Variants in HMGXB4 observed in about 807,000 individuals in gnomAD.
HMGXB4 encodes the protein HMG-box containing 4.
In HMGXB4, 27 loss-of-function variants were observed where a neutral mutation model predicts 63.9. That is an observed-to-expected ratio of 0.42 (90% CI 0.31 to 0.58). HMGXB4 has a LOEUF of 0.58. HMGXB4 is among the 20% of genes least tolerant of loss of function. The probability of loss-of-function intolerance (pLI) is 0.13; values close to 1 mark genes in which losing one functional copy is unlikely to be tolerated. For synonymous variants in HMGXB4, 264 were observed against 265.3 expected (o/e 0.99, Z 0.05); for missense variants, 624 against 700.7 (o/e 0.89, Z 1.24).
chr22:35,247,089 T>A, the HMGXB4 span, among the ~76,000 whole-genome samples: 6 of 152,262 alleles, frequency 3.9e-5, no homozygotes, highest in African/African-American at 1.4e-4. Flanking sequence ...TTTTTTTCCA[T>A]GCCTGGTGAT....
upstream of HMGXB4, among the ~76,000 whole-genome samples, chr22:35,253,132 C>CAAAAAAAAAAAAAAA (rs554912249): frequency 2.1e-5 from 2 of 96,562 alleles, no homozygotes; most frequent in African/African-American, 5.2e-5. Flanking sequence ...AACTCCATCT[C>CAAAAAAAAAAAAAAA]AAAAAAAAAA....
At chr22:35,253,950 CTT>C (rs1555886316), upstream of HMGXB4, among the ~76,000 whole-genome samples, 4 of 152,192 alleles carry the variant, frequency 2.6e-5, no homozygotes, top group Non-Finnish European at 1.5e-5. Flanking sequence ...CTGCCTGTCT[CTT>C]AAGGTAGTTT....
At chr22:35,252,541 C>G (rs1922234282), upstream of HMGXB4, among the ~76,000 whole-genome samples, 1 of 152,206 alleles carries the variant, frequency 6.6e-6, no homozygotes, top group Non-Finnish European at 1.5e-5. Flanking sequence ...CAGGATTTCC[C>G]TCTTTTTAAG....
chr22:35,254,348 G>A (rs746519970), upstream of HMGXB4, among the ~76,000 whole-genome samples: 87 of 152,198 alleles, frequency 5.7e-4, no homozygotes, highest in Non-Finnish European at 1.0e-3. Flanking sequence ...AAATGCAAGA[G>A]AACTATGAAA....
Position 35,283,963 on chromosome 22 carries a change from C to T in HMGXB4, c.1217C>T (p.Pro406Leu). The T allele has an allele frequency of 6.2e-7, 1 of 1,612,644 alleles. No individual in the cohort carries two copies. The highest frequency in any genetic ancestry group is 8.5e-7 in the Non-Finnish European group (1 of 1,178,784). ...GTTGTATCTTCTATGCGGCATTAGC[C>T]AAAAAAGAAGAACATGTCGGCCTAC... ...KDKERERGEK[P>L]KKKNMSAYQV... is the part of the protein sequence containing the mutation. The change falls in exon 6 of 11, where the codon CCA becomes CTA. Residue 406 changes from proline to leucine, a missense_variant and splice_region_variant. Transcript: ENST00000216106.
intron 5 of HMGXB4, among the ~76,000 whole-genome samples, chr22:35,282,200 G>A (rs999233751): frequency 1.3e-5 from 2 of 152,040 alleles, no homozygotes; most frequent in African/African-American, 4.8e-5. Flanking sequence ...TTGTTGAAAC[G>A]GAGTCTCGCT....
chr22:35,246,236 C>T, the HMGXB4 span, among the ~76,000 whole-genome samples: 62 of 151,914 alleles, frequency 4.1e-4, no homozygotes, highest in Non-Finnish European at 7.6e-4. Flanking sequence ...ATGGGTCCAC[C>T]GCCTATTCTG....
At chr22:35,258,839 A>G (rs1042340665) in intron 1 of HMGXB4, among the ~76,000 whole-genome samples, 5 of 152,242 alleles carry the variant, frequency 3.3e-5, no homozygotes, top group Non-Finnish European at 5.9e-5. Flanking sequence ...CATGGCTCTC[A>G]TCCTGGAACA....
intron 6 of HMGXB4, among the ~76,000 whole-genome samples, chr22:35,284,789 A>T (rs1368790953): frequency 6.6e-6 from 1 of 152,226 alleles, no homozygotes; most frequent in Non-Finnish European, 1.5e-5. Context: ...TTAATGAGGT[A>T]AGAAAAACAC....
chr22:35,255,977 T>G (rs1267654118), upstream of HMGXB4, among the ~76,000 whole-genome samples: 1 of 152,266 alleles, frequency 6.6e-6, no homozygotes. Flanking sequence ...TTTTATTAAG[T>G]ATTTGCAGTT....
intron 1 of HMGXB4, among the ~76,000 whole-genome samples, chr22:35,259,599 G>A (rs1343576252): frequency 6.6e-6 from 1 of 152,176 alleles, no homozygotes; most frequent in East Asian, 1.9e-4. Context: ...ACTGTTGCTT[G>A]AGATTTATCT....
At chr22:35,280,301 C>G (rs1480312701) in intron 5 of HMGXB4, among the ~76,000 whole-genome samples, 1 of 152,192 alleles carries the variant, frequency 6.6e-6, no homozygotes, top group African/African-American at 2.4e-5. Flanking sequence ...TAATTCCCAC[C>G]TTTGAGTTAA....
Position 35,265,079 on chromosome 22 carries a change from G to T in HMGXB4, c.691G>T (p.Glu231Ter). The change falls in exon 5 of 11, where the codon GAG (glutamate) becomes TAG (stop). Residue 231 changes from glutamate to a stop codon, truncating the protein, a stop_gained. Transcript: ENST00000216106. LOFTEE classifies it high-confidence loss of function. ...ATCCTCAAAGAAATCAGCTCGGGAT[G>T]AGCAGGGTGCTTTACTCCTAGGACA... ...KKSSKKSARD[E>*]QGALLLGHEL... is the part of the protein sequence containing the mutation. 6.2e-7 allele frequency: 1 copy of T among 1,614,152 alleles called. No homozygotes were observed. The highest frequency in any genetic ancestry group is 8.5e-7 in the Non-Finnish European group (1 of 1,180,022).
chr22:35,265,789 CTT>C (rs769959544), intron 5 of HMGXB4, among the ~76,000 whole-genome samples, 186 bp downstream of exon 5: 17 of 140,014 alleles, frequency 1.2e-4, no homozygotes, highest in Middle Eastern at 3.8e-3. Context: ...TAGAAGCAAT[CTT>C]TTTTTTTTTT....
At chr22:35,263,673 A>T (rs905010791) in intron 3 of HMGXB4, 123 bp from the exon 4 acceptor site, 9 of 689,440 alleles carry the variant, frequency 1.3e-5, no homozygotes, top group Non-Finnish European at 2.4e-5. Context: ...AACGTTATGC[A>T]CATCTATTTT....
At chr22:35,263,752 T>A (rs746023142) in intron 3 of HMGXB4, 44 bp from the exon 4 acceptor site, 12 of 1,359,236 alleles carry the variant, frequency 8.8e-6, no homozygotes, top group Non-Finnish European at 1.3e-5. Context: ...CAAACTGCAT[T>A]TGCCTCATCA....
At chr22:35,282,632 T>C (rs1056618780) in intron 5 of HMGXB4, among the ~76,000 whole-genome samples, 1 of 152,198 alleles carries the variant, frequency 6.6e-6, no homozygotes, top group Admixed American at 6.5e-5. Flanking sequence ...TTTAAATAGT[T>C]AACTTTTTCT....
the HMGXB4 span, among the ~76,000 whole-genome samples, chr22:35,247,169 C>G: frequency 1.3e-5 from 2 of 152,168 alleles, no homozygotes; most frequent in African/African-American, 2.4e-5. Flanking sequence ...TTCCTATAGA[C>G]TGTCTTGAGC....
At chr22:35,287,666 A>G (rs1410840640) in intron 8 of HMGXB4, among the ~76,000 whole-genome samples, 1 of 152,212 alleles carries the variant, frequency 6.6e-6, no homozygotes, top group Non-Finnish European at 1.5e-5. Context: ...TCCAGAGAGT[A>G]GACCAGGCGC....
Sources: gnomAD v4.1 joint callset for allele counts (sites outside exome capture counted in the v4.1 genomes callset) on GRCh38, gnomAD v4.1.1 for gene constraint, MANE v1.5 for transcripts, NCBI Gene and HGNC (gene_info 2026-07-23, HGNC 2026-07-21) for gene names.